Variants in DCC observed in about 807,000 individuals in gnomAD.
The protein encoded by DCC is netrin receptor DCC.
A neutral mutation model predicts 172.5 loss-of-function variants in DCC; 58 were observed. The observed-to-expected ratio is 0.34, with a 90% CI of 0.27 to 0.42. The LOEUF (loss-of-function observed/expected upper bound fraction) is 0.42, where lower values mean the gene tolerates loss of function less well. Among genes scored for constraint, DCC ranks in the 10% least tolerant of loss-of-function variants. The pLI is 1.00. For synonymous variants in DCC, 709 were observed against 644.5 expected (o/e 1.10, Z -1.52); for missense variants, 1,740 against 1,791.0 (o/e 0.97, Z 0.51).
chr18:53,227,996 A>G (rs1598925601), intron 12 of DCC, among the ~76,000 whole-genome samples: 2 of 152,200 alleles, frequency 1.3e-5, no homozygotes, highest in Admixed American at 1.3e-4. Flanking sequence ...TTTTTAAAAT[A>G]TGAAGCTGAC....
At chr18:53,240,043 A>C (rs5824999) in intron 12 of DCC, among the ~76,000 whole-genome samples, 2,990 of 75,476 alleles carry the variant, frequency 0.04, 109 homozygotes, top group African/African-American at 0.085. Flanking sequence ...AAAAAAAAAA[A>C]AAAAAAACAA....
chr18:52,647,509 C>T (rs2035041363), intron 1 of DCC, among the ~76,000 whole-genome samples: 1 of 152,152 alleles, frequency 6.6e-6, no homozygotes, highest in Non-Finnish European at 1.5e-5. Context: ...GTAGACTGCA[C>T]TGAAATCCTT....
rs868720170 is a variant in DCC, at chr18:53,486,950, G to T, written c.3890G>T (p.Arg1297Ile). 6.2e-7 allele frequency: 1 copy of T among 1,614,186 alleles called. No individual in the cohort carries two copies. Among genetic ancestry groups the T allele is most frequent in the South Asian group, 1.1e-5 (1 of 91,090 alleles). Residue 1297 changes from arginine (R) to isoleucine (I), a missense_variant, in exon 26 of 29, where the codon AGA becomes ATA. By Grantham distance (97) the Arg-to-Ile change is moderately conservative. Transcript: ENST00000442544. ...GTGGACCGAGGTTTCGGAGCAGGAA[G>T]AAGTCAGTGTAATGCATTTTCCTCT... Reference protein sequence around the residue: ...LSVDRGFGAGRSQSVSEGPTT... With the variant: ...LSVDRGFGAGISQSVSEGPTT...
At chr18:52,875,002 G>C (rs1183341231) in intron 2 of DCC, among the ~76,000 whole-genome samples, 1 of 152,064 alleles carries the variant, frequency 6.6e-6, no homozygotes, top group Non-Finnish European at 1.5e-5. Flanking sequence ...ATCTGACTTT[G>C]GGATGACTAA....
intron 7 of DCC, among the ~76,000 whole-genome samples, chr18:53,093,569 C>T (rs903045098): frequency 2.6e-5 from 4 of 152,118 alleles, no homozygotes; most frequent in Admixed American, 6.5e-5. Flanking sequence ...TCAGCCAAAT[C>T]CCATCTATCT....
In DCC at chr18:52,340,650, G is replaced by T; in HGVS notation, c.-138G>T. On this transcript the variant is annotated 5_prime_UTR_variant, in exon 1 of 29. Transcript: ENST00000442544. ...GCGCAGGGGAGGTGGAGAAAGAGGT[G>T]GAGGAAGAGGACGAGGAGGAGGAGG... is the stretch of plus-strand genomic sequence containing the variant. 1.3e-6 allele frequency: 1 copy of T among 770,612 alleles called. No homozygotes were observed. The allele number at this position is 770,612 out of a possible 1,614,324, so 47.7% of individuals were successfully genotyped here.
At chr18:52,749,553 A>G (rs1160035488) in intron 1 of DCC, among the ~76,000 whole-genome samples, 1 of 152,256 alleles carries the variant, frequency 6.6e-6, no homozygotes, top group Non-Finnish European at 1.5e-5. Flanking sequence ...TCCCAAAGCC[A>G]TATATTCAAA....
At chr18:53,448,999 TG>T (rs1402066972) in intron 22 of DCC, among the ~76,000 whole-genome samples, 3 of 152,268 alleles carry the variant, frequency 2.0e-5, no homozygotes, top group Non-Finnish European at 4.4e-5. Context: ...CTGAGATGGT[TG>T]TTTTACATGT....
chr18:52,341,659 G>A (rs534000810), intron 1 of DCC, among the ~76,000 whole-genome samples: 2 of 152,326 alleles, frequency 1.3e-5, no homozygotes, highest in South Asian at 4.1e-4. Context: ...ATTGGATCTG[G>A]CTAGTGCAGG....
chr18:52,765,492 C>T (rs1383478490), intron 2 of DCC, among the ~76,000 whole-genome samples: 1 of 152,116 alleles, frequency 6.6e-6, no homozygotes, highest in East Asian at 1.9e-4. Context: ...CCTTTTCTTC[C>T]TCAGACTCAG....
chr18:52,681,775 C>T (rs575297026), intron 1 of DCC, among the ~76,000 whole-genome samples: 4 of 152,156 alleles, frequency 2.6e-5, no homozygotes, highest in Admixed American at 2.0e-4. Flanking sequence ...CTAACACGAG[C>T]GCAGACAATG....
chr18:53,038,044 C>T (rs115713331), intron 5 of DCC, among the ~76,000 whole-genome samples: 3,879 of 151,940 alleles, frequency 0.026, 193 homozygotes, highest in African/African-American at 0.088. Flanking sequence ...AATGCAAAAC[C>T]AACAGGTACA....
rs180987132 is a variant in DCC, at chr18:52,639,260, A to G, written c.92-112794A>G. Among the ~76,000 whole-genome samples, 108 of 152,226 alleles carry G rather than the reference A, an allele frequency of 7.1e-4. 1 individual carries two copies. Among genetic ancestry groups the G allele is most frequent in the African/African-American group, 2.5e-3 (103 of 41,544 alleles). On this transcript the variant is annotated intron_variant, in intron 1 of 28. Coordinates refer to ENST00000442544, the MANE Select transcript of DCC (RefSeq NM_005215.4). ...GGTCACACCTCAAGGAGCTAGAAGAACAAGAACAAATCCAACCCAAATCAA... is the reference window on the plus strand; with the variant it reads ...GGTCACACCTCAAGGAGCTAGAAGAGCAAGAACAAATCCAACCCAAATCAA...
rs34283017 is a variant in DCC, at chr18:52,955,383, C to CTT, written c.985+30022_985+30023dup. Among the ~76,000 whole-genome samples, 900 of 148,866 alleles carry CTT rather than the reference C, an allele frequency of 6.0e-3. 8 individuals carry two copies. The highest frequency in any genetic ancestry group is 0.017 in the Middle Eastern group (5 of 290). ...AAGTTGCTGTATGAGTTTAGTAGAC[C>CTT]TTTTTTTTTTGGCACCAAATAATAT... On this transcript the variant is annotated intron_variant, in intron 5 of 28. Coordinates refer to ENST00000442544, the MANE Select transcript of DCC (RefSeq NM_005215.4).
intron 1 of DCC, among the ~76,000 whole-genome samples, chr18:52,490,279 G>A (rs2030435005): frequency 6.6e-6 from 1 of 152,076 alleles, no homozygotes; most frequent in African/African-American, 2.4e-5. Context: ...AATAAAATAG[G>A]AAGTTTTCCT....
intron 7 of DCC, among the ~76,000 whole-genome samples, chr18:53,084,153 G>C (rs1376736630): frequency 1.3e-5 from 2 of 152,158 alleles, no homozygotes; most frequent in Admixed American, 6.5e-5. Context: ...TCTGGTGAAG[G>C]CTCTTTACAG....
intron 3 of DCC, among the ~76,000 whole-genome samples, chr18:52,907,073 G>A (rs563457975): frequency 1.3e-5 from 2 of 151,126 alleles, no homozygotes; most frequent in South Asian, 4.2e-4. Context: ...AATAACAGAA[G>A]CAAAGCTAGC....
intron 12 of DCC, among the ~76,000 whole-genome samples, chr18:53,268,308 A>G (rs1429583636): frequency 6.6e-6 from 1 of 152,224 alleles, no homozygotes; most frequent in East Asian, 1.9e-4. Flanking sequence ...ACTTATGTAA[A>G]TAGAACATGT....
intron 2 of DCC, among the ~76,000 whole-genome samples, chr18:52,786,967 A>G (rs1290403470): frequency 2.6e-5 from 4 of 152,144 alleles, no homozygotes; most frequent in African/African-American, 7.2e-5. Flanking sequence ...AAACAACTAT[A>G]TTGCCATAAG....
Sources: gnomAD v4.1 joint callset for allele counts (sites outside exome capture counted in the v4.1 genomes callset) on GRCh38, gnomAD v4.1.1 for gene constraint, MANE v1.5 for transcripts, NCBI Gene and HGNC (gene_info 2026-07-23, HGNC 2026-07-21) for gene names.